Variants in CD200R1L observed in about 807,000 individuals in gnomAD.
CD200R1L encodes the protein cell surface glycoprotein CD200 receptor 2.
A neutral mutation model predicts 24.8 loss-of-function variants in CD200R1L; 14 were observed. The ratio of observed to expected loss-of-function variants is 0.56; its 90% CI spans 0.37 to 0.88. The LOEUF is 0.88. Among genes scored for constraint, CD200R1L ranks in the 40% least tolerant of loss-of-function variants. The pLI is 0.00. For missense variants in CD200R1L, 299 were observed against 297.8 expected (o/e 1.00, Z -0.03); for synonymous variants, 111 against 109.2 (o/e 1.02, Z -0.11).
intron 2 of CD200R1L, 51 bp downstream of exon 2, chr3:112,845,628 A>T: frequency 7.0e-7 from 1 of 1,429,174 alleles, no homozygotes; most frequent in Non-Finnish European, 9.9e-7. Flanking sequence ...CCTCATAATC[A>T]TTGAAAGAAA....
chr3:112,820,273 A>G (rs1938503271), intron 6 of CD200R1L, among the ~76,000 whole-genome samples: 1 of 152,210 alleles, frequency 6.6e-6, no homozygotes, highest in Non-Finnish European at 1.5e-5. Context: ...GTTTGAGCTG[A>G]TAACACTTTC....
chr3:112,819,573 T>C (rs1938482099), intron 7 of CD200R1L, among the ~76,000 whole-genome samples, 199 bp downstream of exon 7: 3 of 152,214 alleles, frequency 2.0e-5, no homozygotes, highest in Admixed American at 2.0e-4. Flanking sequence ...ACAATGAAGT[T>C]CTTGCCCCAG....
intron 3 of CD200R1L, among the ~76,000 whole-genome samples, chr3:112,829,874 A>G (rs1938754715): frequency 6.6e-6 from 1 of 152,206 alleles, no homozygotes; most frequent in Admixed American, 6.5e-5. Context: ...AAGTAGCTCT[A>G]TAGACACTCT....
At chr3:112,835,936 C>T (rs1266939596) in intron 3 of CD200R1L, among the ~76,000 whole-genome samples, 1 of 152,244 alleles carries the variant, frequency 6.6e-6, no homozygotes, top group Non-Finnish European at 1.5e-5. Flanking sequence ...GAATGCACAG[C>T]TCTGGCTGCA....
intron 2 of CD200R1L, among the ~76,000 whole-genome samples, chr3:112,845,443 A>G (rs16860153): frequency 0.025 from 3,730 of 152,224 alleles, 163 homozygotes; most frequent in African/African-American, 0.085. Flanking sequence ...AGGTCACAAA[A>G]TTTTAGTTTC....
At chr3:112,843,281 G>A (rs1367681667) in intron 2 of CD200R1L, among the ~76,000 whole-genome samples, 2 of 152,094 alleles carry the variant, frequency 1.3e-5, no homozygotes, top group Admixed American at 6.5e-5. Flanking sequence ...TTCCAAGGTC[G>A]ATGTGAAATA....
At chr3:112,823,966 A>G (rs1001929797) in intron 6 of CD200R1L, among the ~76,000 whole-genome samples, 1 of 152,188 alleles carries the variant, frequency 6.6e-6, no homozygotes, top group African/African-American at 2.4e-5. Flanking sequence ...ACGAACTATA[A>G]GAGAGGCCAC....
At chr3:112,834,845 G>A (rs992413919) in intron 3 of CD200R1L, among the ~76,000 whole-genome samples, 1 of 152,234 alleles carries the variant, frequency 6.6e-6, no homozygotes, top group Non-Finnish European at 1.5e-5. Flanking sequence ...TGGCATGGGT[G>A]CCAGCTCCCT....
intron 3 of CD200R1L, among the ~76,000 whole-genome samples, chr3:112,835,778 G>A (rs1323008641): frequency 1.3e-5 from 2 of 152,246 alleles, no homozygotes; most frequent in Non-Finnish European, 2.9e-5. Context: ...AAAGTCTGGA[G>A]GGGGCCAAGG....
intron 6 of CD200R1L, among the ~76,000 whole-genome samples, chr3:112,825,517 T>G (rs1938637129): frequency 6.6e-6 from 1 of 151,356 alleles, no homozygotes; most frequent in Admixed American, 6.6e-5. Context: ...TATTTGGCAC[T>G]TGGGAGATGC....
intron 6 of CD200R1L, among the ~76,000 whole-genome samples, chr3:112,825,869 T>C (rs1243851945): frequency 6.6e-6 from 1 of 152,190 alleles, no homozygotes; most frequent in Non-Finnish European, 1.5e-5. Context: ...GATCAGGTAA[T>C]ACTGAAGATA....
chr3:112,818,124 T>C (rs1269758874), intron 7 of CD200R1L, among the ~76,000 whole-genome samples: 3 of 152,176 alleles, frequency 2.0e-5, no homozygotes, highest in Admixed American at 1.3e-4. Context: ...AGTTGAGATT[T>C]TTGTGGGGAC....
At position 112,839,808 on chromosome 3, in the gene CD200R1L, G is replaced by T. The variant is rs77623162; in HGVS notation, c.-86-1798C>A. Among the ~76,000 whole-genome samples, 135 of 152,294 alleles carry T rather than the reference G, an allele frequency of 8.9e-4. 1 individual carries two copies. The East Asian group carries it at 0.024, about 27-fold the overall frequency. The stretch of plus-strand genomic sequence containing the variant: ...AGCAGCCCTCCCACCCCTGTTTGAA[G>T]TGGTTAATCCCCTGCTTTGCCTGAA... On this transcript the variant is annotated intron_variant, in intron 2 of 7. Transcript: ENST00000488794.
intron 2 of CD200R1L, among the ~76,000 whole-genome samples, chr3:112,842,730 C>T (rs565328706): frequency 1.2e-4 from 18 of 152,228 alleles, no homozygotes; most frequent in South Asian, 8.3e-4. Flanking sequence ...ACGGCTGCTC[C>T]GGGAATGTCT....
rs747515616 is a variant in CD200R1L at position 112,845,700 on chromosome 3, A to G, written c.-108T>C. On this transcript the variant is annotated 5_prime_UTR_variant, in exon 2 of 8. Coordinates refer to ENST00000488794, the MANE Select transcript of CD200R1L (RefSeq NM_001199215.3). ...TTACCAGACACCATGATAATGATGG[A>G]AATCAGTAATCTTGGAGCTGACATC... is the stretch of plus-strand genomic sequence containing the variant. The G allele has an allele frequency of 1.2e-6, 2 of 1,613,608 alleles. No individual in the cohort carries two copies. Among genetic ancestry groups the G allele is most frequent in the South Asian group, 2.2e-5 (2 of 91,046 alleles).
At chr3:112,841,719 A>G (rs1939085303) in intron 2 of CD200R1L, among the ~76,000 whole-genome samples, 1 of 152,206 alleles carries the variant, frequency 6.6e-6, no homozygotes, top group African/African-American at 2.4e-5. Context: ...CACACAGCAC[A>G]GCCTCCATTT....
At chr3:112,842,618 G>A (rs779566784) in intron 2 of CD200R1L, among the ~76,000 whole-genome samples, 5 of 152,178 alleles carry the variant, frequency 3.3e-5, no homozygotes, top group Non-Finnish European at 7.3e-5. Context: ...GCCTATAAAT[G>A]GGTGTGAAAG....
chr3:112,830,433 G>C (rs1261580161), intron 3 of CD200R1L, among the ~76,000 whole-genome samples: 2 of 151,308 alleles, frequency 1.3e-5, no homozygotes, highest in African/African-American at 4.9e-5. Context: ...GAGGACAATG[G>C]GATCAACCCA....
At chr3:112,844,885 C>T (rs552799818) in intron 2 of CD200R1L, among the ~76,000 whole-genome samples, 1 of 152,154 alleles carries the variant, frequency 6.6e-6, no homozygotes, top group African/African-American at 2.4e-5. Context: ...GATGGCACCA[C>T]TGCACTCCAG....
Sources: allele counts gnomAD v4.1 joint callset (sites outside exome capture counted in the v4.1 genomes callset), GRCh38; gene constraint gnomAD v4.1.1; transcripts MANE v1.5; gene names NCBI Gene and HGNC (gene_info 2026-07-23, HGNC 2026-07-21).